Variants in VEPH1 observed in about 807,000 individuals in gnomAD.
The protein encoded by VEPH1 is ventricular zone-expressed PH domain-containing protein homolog 1.
In VEPH1, 80 loss-of-function variants were observed where a neutral mutation model predicts 85.2. That is an observed-to-expected ratio of 0.94 (90% confidence interval 0.78 to 1.13). The LOEUF (loss-of-function observed/expected upper bound fraction) is 1.13. VEPH1 is among the 50% of genes most tolerant of loss of function. The pLI is 0.00. For missense variants in VEPH1, 955 were observed against 980.5 expected, an observed-to-expected ratio of 0.97 and a Z score of 0.35; for synonymous variants, 297 against 348.0, an observed-to-expected ratio of 0.85 and a Z score of 1.63.
At chr3:157,467,790 G>C (rs558161382) in intron 3 of VEPH1, among the ~76,000 whole-genome samples, 2 of 152,276 alleles carry the variant, frequency 1.3e-5, no homozygotes, top group Admixed American at 6.5e-5. Flanking sequence ...CTTAACCAAG[G>C]AGCCTACTAG....
At chr3:157,381,616 G>A in intron 6 of VEPH1, 1 of 504,332 alleles carries the variant, frequency 2.0e-6, no homozygotes, top group South Asian at 2.2e-5. Flanking sequence ...CTACTTGAGA[G>A]GCTGAGGCAC....
intron 9 of VEPH1, among the ~76,000 whole-genome samples, chr3:157,346,142 C>G (rs1051287735): frequency 6.6e-6 from 1 of 151,986 alleles, no homozygotes; most frequent in Non-Finnish European, 1.5e-5. Flanking sequence ...CAAACCTGCA[C>G]GTTGTACACA....
chr3:157,470,116 G>A (rs939274188), intron 3 of VEPH1, among the ~76,000 whole-genome samples, 198 bp downstream of exon 3: 6 of 152,142 alleles, frequency 3.9e-5, no homozygotes, highest in African/African-American at 1.2e-4. Context: ...TCCCTACAGT[G>A]TGTCTTGCAC....
chr3:157,342,416 A>G (rs1723688296), intron 9 of VEPH1, among the ~76,000 whole-genome samples: 1 of 152,218 alleles, frequency 6.6e-6, no homozygotes, highest in South Asian at 2.1e-4. Flanking sequence ...AACAAAGATC[A>G]AAAGAGACAA....
intron 6 of VEPH1, among the ~76,000 whole-genome samples, chr3:157,391,401 T>G (rs1348761038): frequency 6.6e-6 from 1 of 152,308 alleles, no homozygotes; most frequent in East Asian, 1.9e-4. Flanking sequence ...TAGAGCTAAC[T>G]TGGGGAGAGG....
At chr3:157,458,932 T>TA (rs1735597497) in intron 4 of VEPH1, among the ~76,000 whole-genome samples, 2 of 152,226 alleles carry the variant, frequency 1.3e-5, no homozygotes, top group South Asian at 4.1e-4. Flanking sequence ...ATGGTGGCTC[T>TA]AGGTGTGCAG....
intron 12 of VEPH1, among the ~76,000 whole-genome samples, chr3:157,276,954 C>A (rs925048129): frequency 6.6e-6 from 1 of 151,050 alleles, no homozygotes; most frequent in Non-Finnish European, 1.5e-5. Flanking sequence ...AATGCAGTGG[C>A]ATGTTCTCAG....
intron 6 of VEPH1, among the ~76,000 whole-genome samples, chr3:157,383,650 A>G (rs1729001910): frequency 6.6e-6 from 1 of 152,182 alleles, no homozygotes; most frequent in African/African-American, 2.4e-5. Context: ...TCCCTTATTT[A>G]TTTTTTAAAC....
intron 12 of VEPH1, among the ~76,000 whole-genome samples, chr3:157,266,238 A>T (rs1364857490): frequency 6.6e-6 from 1 of 151,710 alleles, no homozygotes; most frequent in Non-Finnish European, 1.5e-5. Context: ...GGTAACACCA[A>T]GCAGCAAAGG....
Position 157,293,897 on chromosome 3 carries a change from G to A in VEPH1, c.2011-7223C>T, listed in dbSNP as rs76304251. 5.6e-3 allele frequency among the ~76,000 whole-genome samples: 850 copies of A among 152,280 alleles called. 16 individuals carry two copies. Among genetic ancestry groups the A allele is most frequent in the African/African-American group, 0.019 (799 of 41,546 alleles). On this transcript the variant is annotated intron_variant, in intron 11 of 13. Transcript: ENST00000362010. ...GCCAAAACACTACCAATGTTCAAAA[G>A]GTCAAGAAAACTTTAAGATTTTTAC... is the stretch of plus-strand genomic sequence containing the variant.
intron 11 of VEPH1, among the ~76,000 whole-genome samples, chr3:157,308,365 C>T (rs1051986753): frequency 2.4e-4 from 36 of 151,866 alleles, no homozygotes; most frequent in African/African-American, 7.5e-4. Context: ...ATATCATTCT[C>T]TTTTATGTAG....
intron 2 of VEPH1, among the ~76,000 whole-genome samples, chr3:157,486,737 C>T (rs896972910): frequency 3.3e-5 from 5 of 152,106 alleles, no homozygotes; most frequent in Non-Finnish European, 5.9e-5. Flanking sequence ...ATAAGTGCTA[C>T]ATAAGTATTA....
rs148964354 is a variant in VEPH1 at position 157,375,776 on chromosome 3, T to C, written c.1127+5380A>G. ...CAGTCAGTTTTGACTATAATTTCGC[T>C]TTCATTATCCCTTTCTGTTTTCAGG... On this transcript the variant is annotated intron_variant, in intron 7 of 13. Transcript: ENST00000362010. 3.8e-3 allele frequency among the ~76,000 whole-genome samples: 582 copies of C among 152,292 alleles called. 4 individuals are homozygous for C. The highest frequency in any genetic ancestry group is 0.013 in the African/African-American group (536 of 41,552).
chr3:157,418,488 A>G (rs1732090088), intron 5 of VEPH1, among the ~76,000 whole-genome samples: 1 of 152,200 alleles, frequency 6.6e-6, no homozygotes, highest in South Asian at 2.1e-4. Flanking sequence ...TTAAAGTCTC[A>G]GGATACAAAA....
chr3:157,500,217 CCTTTATT>C (rs1162172471), intron 1 of VEPH1, among the ~76,000 whole-genome samples: 1 of 152,196 alleles, frequency 6.6e-6, no homozygotes, highest in African/African-American at 2.4e-5. Flanking sequence ...CTGGAACCTT[CCTTTATT>C]CTTTAAACAG....
chr3:157,303,905 G>T (rs1412947399), intron 11 of VEPH1, among the ~76,000 whole-genome samples: 1 of 151,488 alleles, frequency 6.6e-6, no homozygotes, highest in Non-Finnish European at 1.5e-5. Context: ...CCTCTAGCTT[G>T]CCCTGAAAGG....
At chr3:157,485,431 C>T (rs1454092348) in intron 2 of VEPH1, among the ~76,000 whole-genome samples, 1 of 152,008 alleles carries the variant, frequency 6.6e-6, no homozygotes, top group African/African-American at 2.4e-5. Flanking sequence ...GGGAAAATGT[C>T]TATCTTAGAA....
chr3:157,410,380 T>C (rs903678252), intron 6 of VEPH1, among the ~76,000 whole-genome samples: 8 of 152,124 alleles, frequency 5.3e-5, no homozygotes, highest in African/African-American at 1.9e-4. Flanking sequence ...ACATTTCCTT[T>C]CACTTTGGTA....
chr3:157,260,887 G>C lies in VEPH1; in HGVS notation c.*247C>G, dbSNP rs1060543. On this transcript the variant is annotated 3_prime_UTR_variant, in exon 14 of 14. Transcript: ENST00000362010. The stretch of plus-strand genomic sequence containing the variant: ...CCCACACTATCTGAGGGCATACTCT[G>C]TAGCTCCTTTTATTTTATTTTATTT... 0.39 allele frequency: 192,182 copies of C among 492,468 alleles called. 39,733 individuals are homozygous for C. The highest frequency in any genetic ancestry group is 0.62 in the East Asian group (15,654 of 25,398). The allele number at this position is 492,468 out of a possible 1,614,324, so 30.5% of individuals were successfully genotyped here. A position where few individuals can be genotyped will look rare whatever the true frequency, so the allele number is the denominator to read the frequency against.
Sources: gnomAD v4.1 joint callset for allele counts (sites outside exome capture counted in the v4.1 genomes callset) on GRCh38, gnomAD v4.1.1 for gene constraint, MANE v1.5 for transcripts, NCBI Gene and HGNC (gene_info 2026-07-23, HGNC 2026-07-21) for gene names.